The following CENPF variants were observed in gnomAD, a reference collection of about 807,000 sequenced individuals.
CENPF encodes the protein AH antigen.
CENPF carries 214 observed loss-of-function variants against 307.3 expected under a neutral mutation model. The ratio of observed to expected loss-of-function variants is 0.70; its 90% CI spans 0.62 to 0.78. The LOEUF (loss-of-function observed/expected upper bound fraction) is 0.78. CENPF is among the 30% of genes least tolerant of loss of function. The pLI, the probability that CENPF is intolerant of heterozygous loss-of-function variation, is 0.00. For missense variants in CENPF, 3,401 were observed against 3,483.9 expected (o/e 0.98, Z 0.60); for synonymous variants, 1,259 against 1,270.6 (o/e 0.99, Z 0.19).
rs757528548 is a variant in CENPF, at chr1:214,657,210, A to C, written c.8763A>C (p.Leu2921Phe). 5.6e-6 allele frequency: 9 copies of C among 1,614,054 alleles called. No homozygotes were observed. The highest frequency in any genetic ancestry group is 1.3e-5 in the African/African-American group (1 of 74,922). Reference sequence around the variant, plus strand: ...TCCCTTCTGTTACTGAAAAGAGGTTATCATCTGGCCAAAATAAAGCTTCAG... The same window carrying C: ...TCCCTTCTGTTACTGAAAAGAGGTTCTCATCTGGCCAAAATAAAGCTTCAG... ...SPIPSVTEKRLSSGQNKASGK... is the reference protein window; with the variant it reads ...SPIPSVTEKRFSSGQNKASGK... Residue 2921 changes from leucine (L) to phenylalanine (F), a missense_variant, in exon 18 of 20, where the codon TTA becomes TTC. Coordinates refer to ENST00000366955, the MANE Select transcript of CENPF (RefSeq NM_016343.4).
In CENPF at chr1:214,645,338, C is replaced by T. The variant is rs753618810; in HGVS notation, c.5768C>T (p.Ala1923Val). The T allele has an allele frequency of 6.2e-7, 1 of 1,614,024 alleles. No homozygotes were observed. Among genetic ancestry groups the T allele is most frequent in the South Asian group, 1.1e-5 (1 of 91,072 alleles). The change falls in exon 13 of 20, where the codon GCT becomes GTT. Residue 1923 changes from alanine (A) to valine (V), a missense_variant. By Grantham distance (64) the Ala-to-Val change is moderately conservative (BLOSUM62 0). Transcript: ENST00000366955. ...SIEHEALYLE[A>V]DLEVVQTEKL... is the part of the protein sequence containing the mutation. The stretch of plus-strand genomic sequence containing the variant: ...GAGCATGAAGCCCTCTACCTGGAGG[C>T]TGACTTAGAGGTAGTTCAAACAGAG...
chr1:214,605,487 G>A (rs1242134428), intron 1 of CENPF: 6 of 492,810 alleles, frequency 1.2e-5, no homozygotes, highest in Non-Finnish European at 2.1e-5. Flanking sequence ...CTGTTTTCAC[G>A]TATTTTCTTC....
intron 13 of CENPF, among the ~76,000 whole-genome samples, chr1:214,648,286 A>T (rs1658367182): frequency 6.6e-6 from 1 of 152,198 alleles, no homozygotes; most frequent in African/African-American, 2.4e-5. Context: ...AATCATAAGC[A>T]TGTTTATTGC....
chr1:214,603,893 GCTCAAGGGATCCTCCCGCCTTGGC>G (rs1354015422), intron 1 of CENPF, among the ~76,000 whole-genome samples: 1 of 151,752 alleles, frequency 6.6e-6, no homozygotes, highest in African/African-American at 2.4e-5. Flanking sequence ...GAACCCCTGG[GCTCAAGGGATCCTCCCGCCTTGGC>G]CTCTGTAAGT....
At position 214,607,630 on chromosome 1, in the gene CENPF, AC is replaced by A. The variant is rs1430369192; in HGVS notation, c.-42+4310del. 1.2e-4 allele frequency among the ~76,000 whole-genome samples: 19 copies of A among 152,154 alleles called. 1 individual carries two copies. The highest frequency in any genetic ancestry group is 2.1e-4 in the Non-Finnish European group (14 of 68,008). On this transcript the variant is annotated intron_variant, in intron 1 of 19. Coordinates refer to ENST00000366955, the MANE Select transcript of CENPF (RefSeq NM_016343.4). Reference sequence around the variant, plus strand: ...GACCAGTGGGCTGGGCAGGGCCAGGACGAGACAGCCCCAGTGGATGGCGAGC... The same window carrying A: ...GACCAGTGGGCTGGGCAGGGCCAGGAGAGACAGCCCCAGTGGATGGCGAGC...
At chr1:214,607,933 T>G (rs967689327) in intron 1 of CENPF, among the ~76,000 whole-genome samples, 2 of 152,158 alleles carry the variant, frequency 1.3e-5, no homozygotes, top group Non-Finnish European at 2.9e-5. Context: ...CTCGCCTCAC[T>G]TGGCCCCAAG....
intron 1 of CENPF, chr1:214,605,664 T>A: frequency 6.4e-7 from 1 of 1,571,550 alleles, no homozygotes; most frequent in Non-Finnish European, 8.6e-7. Flanking sequence ...TCTGGCCGGT[T>A]GGTGCCGCCG....
chr1:214,638,873 G>C (rs549330948), intron 11 of CENPF, among the ~76,000 whole-genome samples: 1 of 152,206 alleles, frequency 6.6e-6, no homozygotes, highest in African/African-American at 2.4e-5. Flanking sequence ...GCAGCAGATA[G>C]AAATGTCAGT....
chr1:214,658,342 A>C (rs1299583939), intron 18 of CENPF, among the ~76,000 whole-genome samples: 2 of 152,296 alleles, frequency 1.3e-5, no homozygotes, highest in East Asian at 3.9e-4. Context: ...AACGTGAGTG[A>C]GTGTGAAATC....
At chr1:214,644,277 A>G (rs1658216985) in intron 12 of CENPF, among the ~76,000 whole-genome samples, 1 of 152,254 alleles carries the variant, frequency 6.6e-6, no homozygotes, top group African/African-American at 2.4e-5. Flanking sequence ...AGGGAAAAAT[A>G]TGAAATTTAA....
In CENPF at chr1:214,640,886, C is replaced by T; in HGVS notation, c.2548C>T (p.Gln850Ter). Residue 850 changes from glutamine (Q) to a stop codon, truncating the protein, a stop_gained, in exon 12 of 20, where the codon CAA becomes TAA. Transcript: ENST00000366955. LOFTEE classifies it high-confidence loss of function. ...TCAAAAACAGATGAACTCAGACCTG[C>T]AAAAGCAGTGTGAAGAGTTGGTGCA... ...ESQKQMNSDL[Q>*]KQCEELVQIK... 6.2e-7 allele frequency: 1 copy of T among 1,604,862 alleles called. No individual in the cohort carries two copies. The highest frequency in any genetic ancestry group is 8.5e-7 in the Non-Finnish European group (1 of 1,177,636).
Position 214,646,716 on chromosome 1 carries a change from T to C in CENPF, c.7146T>C (p.Gly2382=). The C allele has an allele frequency of 1.2e-6, 2 of 1,613,876 alleles. No homozygotes were observed. Among genetic ancestry groups the C allele is most frequent in the South Asian group, 2.2e-5 (2 of 91,048 alleles). Residue 2382 remains glycine, a synonymous_variant, in exon 13 of 20, where the codon GGT becomes GGC. Coordinates refer to ENST00000366955, the MANE Select transcript of CENPF (RefSeq NM_016343.4). The stretch of plus-strand genomic sequence containing the variant: ...AAGGGATGACCCAAAGTCTGAGAGG[T>C]CTGGAATTAGATGTTGTTACTATAA... ...KIEGMTQSLR[G]LELDVVTIRS... is the part of the protein sequence containing the mutation.
At chr1:214,614,063 A>T (rs1657270006) in intron 2 of CENPF, 147 bp downstream of exon 2, 1 of 676,556 alleles carries the variant, frequency 1.5e-6, no homozygotes, top group Non-Finnish European at 2.2e-6. Context: ...TCAGGTGGTA[A>T]TTCCTCTCCC....
In CENPF at chr1:214,641,639, C is replaced by G. The variant is rs750991608; in HGVS notation, c.3301C>G (p.Leu1101Val). Residue 1101 changes from leucine (L) to valine (V), a missense_variant, in exon 12 of 20, where the codon CTA becomes GTA. Leu to Val is a conservative substitution (Grantham distance 32). Coordinates refer to ENST00000366955, the MANE Select transcript of CENPF (RefSeq NM_016343.4). ...FAEERNQNLM[L>V]ELETVQQALR... ...TGAAGAAAGAAATCAGAATCTGATGCTAGAGTTGGAGACAGTGCAGCAAGC... is the reference window on the plus strand; with the variant it reads ...TGAAGAAAGAAATCAGAATCTGATGGTAGAGTTGGAGACAGTGCAGCAAGC... The G allele has an allele frequency of 1.3e-5, 21 of 1,567,462 alleles. No individual in the cohort carries two copies. Among genetic ancestry groups the G allele is most frequent in the Non-Finnish European group, 1.6e-5 (19 of 1,161,358 alleles).
intron 5 of CENPF, among the ~76,000 whole-genome samples, chr1:214,620,434 G>A (rs1657472994): frequency 6.6e-6 from 1 of 152,226 alleles, no homozygotes; most frequent in Non-Finnish European, 1.5e-5. Flanking sequence ...TTGGGCATGA[G>A]ATGGTAGTAG....
In CENPF at chr1:214,651,884, C is replaced by G. The variant is rs770034256; in HGVS notation, c.8158C>G (p.Gln2720Glu). The G allele has an allele frequency of 2.5e-6, 4 of 1,600,276 alleles. No individual in the cohort carries two copies. In the South Asian group the frequency reaches 4.5e-5, roughly 18 times the overall value. The stretch of plus-strand genomic sequence containing the variant: ...GGCTTTGCTTTTGGACACAAACAAA[C>G]AGGTGAAATGTGGGGTTTGGTTACT... ...HQALLLDTNK[Q>E]YEVEIQTYRE... The change falls in exon 15 of 20, where the codon CAG becomes GAG. Residue 2720 changes from glutamine (Q) to glutamate (E), a missense_variant and splice_region_variant. Gln to Glu is a conservative substitution (Grantham distance 29). Coordinates refer to ENST00000366955, the MANE Select transcript of CENPF (RefSeq NM_016343.4).
chr1:214,637,075 T>C (rs1657983609), intron 10 of CENPF, among the ~76,000 whole-genome samples: 1 of 152,238 alleles, frequency 6.6e-6, no homozygotes. Flanking sequence ...TGTGTTACTT[T>C]ATTGCATGCT....
intron 16 of CENPF, 79 bp downstream of exon 16, chr1:214,653,068 G>A (rs182983088): frequency 1.1e-4 from 151 of 1,316,644 alleles, no homozygotes; most frequent in Middle Eastern, 6.0e-4. Flanking sequence ...AGCATTAAAC[G>A]TTTTCATTTT....
At chr1:214,618,738 T>G (rs776194098) in intron 4 of CENPF, 44 bp downstream of exon 4, 2 of 1,560,348 alleles carry the variant, frequency 1.3e-6, no homozygotes, top group East Asian at 2.3e-5. Context: ...TTTGTTTAGC[T>G]TGAGATTTTA....
Sources: allele counts gnomAD v4.1 joint callset (sites outside exome capture counted in the v4.1 genomes callset), GRCh38; gene constraint gnomAD v4.1.1; transcripts MANE v1.5; gene names NCBI Gene and HGNC (gene_info 2026-07-23, HGNC 2026-07-21).